The following SNX1 variants were observed in gnomAD, a reference collection of about 807,000 sequenced individuals.
The protein encoded by SNX1 is sorting nexin-1.
SNX1 carries 36 observed loss-of-function variants against 71.8 expected under a neutral mutation model. The observed-to-expected ratio is 0.50, with a 90% CI of 0.38 to 0.66. The LOEUF (loss-of-function observed/expected upper bound fraction) is 0.66, where lower values mean the gene tolerates loss of function less well. Among genes scored for constraint, SNX1 ranks in the 30% least tolerant of loss-of-function variants. The probability of loss-of-function intolerance (pLI) is 0.00; values close to 1 mark genes in which losing one functional copy is unlikely to be tolerated. For missense variants in SNX1, 612 were observed against 646.7 expected, an observed-to-expected ratio of 0.95 and a Z score of 0.58; for synonymous variants, 254 against 240.7, an observed-to-expected ratio of 1.06 and a Z score of -0.51.
intron 1 of SNX1, among the ~76,000 whole-genome samples, chr15:64,110,529 T>C (rs1293706082): frequency 6.6e-6 from 1 of 152,154 alleles, no homozygotes; most frequent in Admixed American, 6.5e-5. Flanking sequence ...CCAGAGTAGC[T>C]GGGGCTACAG....
chr15:64,117,267 T>C (rs1052807900), intron 2 of SNX1, among the ~76,000 whole-genome samples: 1 of 152,164 alleles, frequency 6.6e-6, no homozygotes, highest in African/African-American at 2.4e-5. Context: ...TTTTTTTTCT[T>C]TTTTGGAGAC....
intron 1 of SNX1, among the ~76,000 whole-genome samples, chr15:64,097,544 C>T (rs332256): frequency 0.27 from 40,334 of 152,074 alleles, 5,857 homozygotes; most frequent in South Asian, 0.57. Context: ...CCCTTAAGTT[C>T]CCTGCCTCCA....
At chr15:64,131,474 G>T (rs1268922403) in intron 10 of SNX1, 2 of 561,350 alleles carry the variant, frequency 3.6e-6, no homozygotes, top group Non-Finnish European at 6.3e-6. Context: ...ACTCAGGACA[G>T]CTGGTGCCTC....
In SNX1 at chr15:64,118,144, G is replaced by A; in HGVS notation, c.299G>A (p.Ser100Asn). ...GCCACAGTGGAGCTATCCTTGGACA[G>A]CACACAAAATAATCAGAAGAAGGTG... ...ADATVELSLD[S>N]TQNNQKKVLA... The change falls in exon 3 of 15, where the codon AGC becomes AAC. Residue 100 changes from serine to asparagine, a missense_variant. Around this residue, in one of 2 missense-constraint regions of SNX1, gnomAD observed 316 missense variants for 284.9 expected, o/e 1.11. Coordinates refer to ENST00000559844, the MANE Select transcript of SNX1 (RefSeq NM_003099.5). 1.2e-6 allele frequency: 2 copies of A among 1,612,532 alleles called. No individual in the cohort carries two copies. Among genetic ancestry groups the A allele is most frequent in the Non-Finnish European group, 1.7e-6 (2 of 1,179,560 alleles).
At chr15:64,098,141 G>A (rs908900084) in intron 1 of SNX1, among the ~76,000 whole-genome samples, 1 of 152,178 alleles carries the variant, frequency 6.6e-6, no homozygotes, top group Admixed American at 6.5e-5. Flanking sequence ...TGGGATTGCA[G>A]GTGCATGCCT....
rs2081372169 is a variant in SNX1, at chr15:64,137,587, C to G, written c.1538C>G (p.Ala513Gly). Residue 513 changes from alanine (A) to glycine (G), a missense_variant, in exon 15 of 15, where the codon GCC becomes GGC. By Grantham distance (60) the Ala-to-Gly change is moderately conservative (BLOSUM62 0). Around this residue, in one of 2 missense-constraint regions of SNX1, gnomAD observed 296 missense variants for 361.9 expected, o/e 0.82. Coordinates refer to ENST00000559844, the MANE Select transcript of SNX1 (RefSeq NM_003099.5). Reference sequence around the variant, plus strand: ...TTGCAGCTGGCAAAGTACTGGGAAGCCTTCCTTCCTGAGGCAAAGGCCATC... The same window carrying G: ...TTGCAGCTGGCAAAGTACTGGGAAGGCTTCCTTCCTGAGGCAAAGGCCATC... ...SQQQLAKYWE[A>G]FLPEAKAIS 2.5e-6 allele frequency: 4 copies of G among 1,614,066 alleles called. No individual in the cohort carries two copies. In the Admixed American group the frequency reaches 5.0e-5, roughly 20 times the overall value.
chr15:64,140,452 CT>C lies in SNX1; in HGVS notation c.*2836del, dbSNP rs1366839919. On this transcript the variant is annotated 3_prime_UTR_variant, in exon 15 of 15. Coordinates refer to ENST00000559844, the MANE Select transcript of SNX1 (RefSeq NM_003099.5). Reference sequence around the variant, plus strand: ...CATCATGTTTTGAGTACTTTCTTACCTTCTGGCATAACAAGATGTTCCAGGC... The same window carrying C: ...CATCATGTTTTGAGTACTTTCTTACCTCTGGCATAACAAGATGTTCCAGGC... The C allele has an allele frequency of 6.6e-6, 1 of 152,178 alleles. No homozygotes were observed. Among genetic ancestry groups the C allele is most frequent in the East Asian group, 1.9e-4 (1 of 5,206 alleles). 9.4% of individuals were successfully genotyped at this position (152,178 alleles called of 1,614,324 possible). A position where few individuals can be genotyped will look rare whatever the true frequency, so the allele number is the denominator to read the frequency against.
intron 1 of SNX1, among the ~76,000 whole-genome samples, chr15:64,108,393 A>T (rs1700191595): frequency 6.6e-6 from 1 of 152,122 alleles, no homozygotes; most frequent in African/African-American, 2.4e-5. Flanking sequence ...TAGACATAGC[A>T]TATGAAGTGT....
Position 64,130,213 on chromosome 15 carries a change from G to C in SNX1, c.922-15G>C. On this transcript the variant is annotated splice_polypyrimidine_tract_variant and intron_variant, in intron 9 of 14. Coordinates refer to ENST00000559844, the MANE Select transcript of SNX1 (RefSeq NM_003099.5). ...AAAAGTAATCTCATTAAAGTTCTGGGCTTTTGTGTTTCAGTGGTTTGAGGA... is the reference window on the plus strand; with the variant it reads ...AAAAGTAATCTCATTAAAGTTCTGGCCTTTTGTGTTTCAGTGGTTTGAGGA... 9 of 1,612,294 alleles carry C rather than the reference G, an allele frequency of 5.6e-6. No individual in the cohort carries two copies. Among genetic ancestry groups the C allele is most frequent in the Non-Finnish European group, 7.6e-6 (9 of 1,178,350 alleles).
intron 14 of SNX1, among the ~76,000 whole-genome samples, 159 bp from the exon 15 acceptor site, chr15:64,137,409 G>A (rs1373843468): frequency 6.6e-6 from 1 of 152,244 alleles, no homozygotes; most frequent in Non-Finnish European, 1.5e-5. Context: ...TGTCGAGAGG[G>A]AGGTGTGAAG....
chr15:64,096,139 G>T lies in SNX1; in HGVS notation c.126G>T (p.Glu42Asp). 1.9e-6 allele frequency: 3 copies of T among 1,554,636 alleles called. No individual in the cohort carries two copies. Among genetic ancestry groups the T allele is most frequent in the South Asian group, 2.4e-5 (2 of 84,414 alleles). Residue 42 changes from glutamate (E) to aspartate (D), a missense_variant, in exon 1 of 15, where the codon GAG becomes GAT. Physicochemically the swap from Glu to Asp is conservative, Grantham distance 45. Transcript: ENST00000559844. ...CCGAGGCTGGGGACAGCGACACCGAGGGGGAGGACATTTTCACCGGCGCCG... is the reference window on the plus strand; with the variant it reads ...CCGAGGCTGGGGACAGCGACACCGATGGGGAGGACATTTTCACCGGCGCCG... Reference protein sequence around the residue: ...SEPEAGDSDTEGEDIFTGAAV... With the variant: ...SEPEAGDSDTDGEDIFTGAAV...
At chr15:64,105,977 G>T (rs3887731) in intron 1 of SNX1, among the ~76,000 whole-genome samples, 1 of 152,012 alleles carries the variant, frequency 6.6e-6, no homozygotes, top group Non-Finnish European at 1.5e-5. Context: ...TTAAATGTAT[G>T]AAATAAAATA....
intron 6 of SNX1, 80 bp from the exon 7 acceptor site, chr15:64,127,094 C>T: frequency 1.8e-6 from 2 of 1,081,930 alleles, no homozygotes; most frequent in South Asian, 2.7e-5. Flanking sequence ...GCCTTTCCTC[C>T]TGTTGACACT....
At chr15:64,123,928 C>G (rs2081221116) in intron 5 of SNX1, among the ~76,000 whole-genome samples, 1 of 151,954 alleles carries the variant, frequency 6.6e-6, no homozygotes, top group Admixed American at 6.6e-5. Flanking sequence ...CCCCTCTAGT[C>G]TGCTCTTCTT....
chr15:64,112,850 G>T (rs1315555981), intron 2 of SNX1, among the ~76,000 whole-genome samples, 166 bp downstream of exon 2: 1 of 152,026 alleles, frequency 6.6e-6, no homozygotes, highest in Non-Finnish European at 1.5e-5. Context: ...CTGCCATCAA[G>T]ATTCTTTCAG....
rs571978145 is a variant in SNX1 at position 64,143,970 on chromosome 15, A to T, written c.*6352A>T. ...GAATATTTTACAGCCATTGAAGATGATATATAGCTATATTCATTGACAAGG... is the reference window on the plus strand; with the variant it reads ...GAATATTTTACAGCCATTGAAGATGTTATATAGCTATATTCATTGACAAGG... On this transcript the variant is annotated 3_prime_UTR_variant, in exon 15 of 15. Transcript: ENST00000559844. 1 of 152,334 alleles carries T rather than the reference A, an allele frequency of 6.6e-6. No individual in the cohort carries two copies. The highest frequency in any genetic ancestry group is 2.1e-4 in the South Asian group (1 of 4,828). The allele number at this position is 152,334 out of a possible 1,614,324, so 9.4% of individuals were successfully genotyped here.
At chr15:64,111,394 T>G (rs2081076420) in intron 1 of SNX1, 1 of 152,256 alleles carries the variant, frequency 6.6e-6, no homozygotes, top group Non-Finnish European at 1.5e-5. Flanking sequence ...AAGGATTGTT[T>G]GCTCATATAA....
intron 5 of SNX1, 104 bp from the exon 6 acceptor site, chr15:64,125,975 G>A: frequency 8.3e-7 from 1 of 1,201,814 alleles, no homozygotes; most frequent in Non-Finnish European, 1.2e-6. Flanking sequence ...TGACTGAAGG[G>A]CAGGGATCTG....
Position 64,134,934 on chromosome 15 carries a change from C to A in SNX1, c.1365+127C>A. 2 of 1,266,436 alleles carry A rather than the reference C, an allele frequency of 1.6e-6. No homozygotes were observed. Among genetic ancestry groups the A allele is most frequent in the Non-Finnish European group, 1.1e-6 (1 of 929,716 alleles). The allele number at this position is 1,266,436 out of a possible 1,614,324, so 78.4% of individuals were successfully genotyped here. On this transcript the variant is annotated intron_variant, in intron 12 of 14. Transcript: ENST00000559844. The surrounding 1 kb of genome is among the most constrained non-coding windows in gnomAD (Gnocchi z 4.1). Reference sequence around the variant, plus strand: ...GCTGATTGAGTCTAAAGGGCCGTGGCTGCTGAGGAAGCCTCTGAGAATGAC... The same window carrying A: ...GCTGATTGAGTCTAAAGGGCCGTGGATGCTGAGGAAGCCTCTGAGAATGAC...
Sources: gnomAD v4.1 joint callset for allele counts (sites outside exome capture counted in the v4.1 genomes callset) on GRCh38, gnomAD v4.1.1 for gene constraint, gnomAD v4.1.1 regional missense constraint, Gnocchi (gnomAD v3.1) non-coding constraint, MANE v1.5 for transcripts, NCBI Gene and HGNC (gene_info 2026-07-23, HGNC 2026-07-21) for gene names.